The following CFAP61 variants were observed in gnomAD, a reference collection of about 807,000 sequenced individuals.
CFAP61 encodes cilia- and flagella-associated protein 61.
CFAP61 carries 107 observed loss-of-function variants against 135.6 expected under a neutral mutation model. The ratio of observed to expected loss-of-function variants is 0.79; its 90% CI spans 0.67 to 0.93. The LOEUF (loss-of-function observed/expected upper bound fraction) is 0.93, where lower values mean the gene tolerates loss of function less well. Among genes scored for constraint, CFAP61 ranks in the 40% least tolerant of loss-of-function variants. The pLI, the probability that CFAP61 is intolerant of heterozygous loss-of-function variation, is 0.00. For missense variants in CFAP61, 1,507 were observed against 1,556.2 expected (o/e 0.97, Z 0.53); for synonymous variants, 575 against 578.5 (o/e 0.99, Z 0.09).
intron 11 of CFAP61, among the ~76,000 whole-genome samples, chr20:20,165,796 A>G (rs1042035705): frequency 6.6e-6 from 1 of 152,028 alleles, no homozygotes; most frequent in African/African-American, 2.4e-5. Flanking sequence ...AACTTTTTTC[A>G]TCTCGAGTTT....
intron 15 of CFAP61, 77 bp downstream of exon 15, chr20:20,191,496 G>A: frequency 9.8e-7 from 1 of 1,016,838 alleles, no homozygotes; most frequent in Non-Finnish European, 1.5e-6. Flanking sequence ...GCCCCTTTTG[G>A]AGTTGTACTT....
intron 21 of CFAP61, among the ~76,000 whole-genome samples, chr20:20,275,313 T>C (rs911554910): frequency 6.6e-6 from 1 of 152,242 alleles, no homozygotes; most frequent in African/African-American, 2.4e-5. Flanking sequence ...TGACGTGGTT[T>C]GCTATGCAGC....
intron 7 of CFAP61, among the ~76,000 whole-genome samples, chr20:20,097,804 C>G (rs1284234634): frequency 6.6e-6 from 1 of 152,214 alleles, no homozygotes; most frequent in Non-Finnish European, 1.5e-5. Flanking sequence ...TTCCTTCCCT[C>G]ATATCTCCTC....
intron 6 of CFAP61, among the ~76,000 whole-genome samples, chr20:20,077,458 A>T (rs1452580877): frequency 3.3e-5 from 5 of 152,236 alleles, no homozygotes; most frequent in Non-Finnish European, 1.5e-5. Context: ...GCGACAGGTC[A>T]CAGAGATCCA....
chr20:20,280,560 A>G (rs546490753), intron 22 of CFAP61, among the ~76,000 whole-genome samples: 5 of 152,208 alleles, frequency 3.3e-5, no homozygotes, highest in Non-Finnish European at 7.3e-5. Flanking sequence ...TCATTTACTC[A>G]GCATGGTGAT....
chr20:20,161,281 C>T (rs1405395203), intron 10 of CFAP61, among the ~76,000 whole-genome samples: 1 of 152,156 alleles, frequency 6.6e-6, no homozygotes, highest in African/African-American at 2.4e-5. Context: ...GCCCCCACCA[C>T]TGCATCAAAC....
intron 25 of CFAP61, among the ~76,000 whole-genome samples, chr20:20,328,311 T>C (rs1289659130): frequency 6.6e-6 from 1 of 152,094 alleles, no homozygotes; most frequent in Admixed American, 6.6e-5. Flanking sequence ...AGGTGAGAGA[T>C]GGTACTTTGG....
At chr20:20,322,082 G>T (rs755199862) in intron 25 of CFAP61, among the ~76,000 whole-genome samples, 2 of 152,156 alleles carry the variant, frequency 1.3e-5, no homozygotes, top group African/African-American at 2.4e-5. Flanking sequence ...AAGTGTCCCA[G>T]CTGAGCCAAG....
intron 17 of CFAP61, among the ~76,000 whole-genome samples, chr20:20,203,356 G>C (rs919094735): frequency 6.6e-6 from 1 of 152,176 alleles, no homozygotes; most frequent in Non-Finnish European, 1.5e-5. Flanking sequence ...GAGCTTGAAT[G>C]AGCCATCTTG....
At chr20:20,063,057 GA>G (rs1294316125) in intron 2 of CFAP61, among the ~76,000 whole-genome samples, 2 of 152,056 alleles carry the variant, frequency 1.3e-5, no homozygotes, top group African/African-American at 4.8e-5. Context: ...ATCAACTTAA[GA>G]AATGATAGAA....
intron 20 of CFAP61, among the ~76,000 whole-genome samples, chr20:20,261,543 C>A (rs1315110588): frequency 6.6e-6 from 1 of 152,172 alleles, no homozygotes; most frequent in Non-Finnish European, 1.5e-5. Flanking sequence ...ATAACTGCCA[C>A]CTGGCAGCCA....
At chr20:20,190,601 C>T (rs1286719568) in intron 14 of CFAP61, among the ~76,000 whole-genome samples, 3 of 152,010 alleles carry the variant, frequency 2.0e-5, no homozygotes, top group African/African-American at 2.4e-5. Flanking sequence ...CACACACACC[C>T]CCACAATTGT....
At chr20:20,348,655 A>T (rs2058717148) in intron 26 of CFAP61, among the ~76,000 whole-genome samples, 1 of 143,962 alleles carries the variant, frequency 6.9e-6, no homozygotes, top group Admixed American at 7.4e-5. Flanking sequence ...GTGCCACTGC[A>T]CTACAGCCTG....
chr20:20,127,827 A>T (rs2050189700), intron 8 of CFAP61, among the ~76,000 whole-genome samples: 2 of 151,730 alleles, frequency 1.3e-5, no homozygotes, highest in South Asian at 4.2e-4. Flanking sequence ...ATGGCTAGGC[A>T]TGTCTGAGCT....
At chr20:20,147,745 G>T (rs1048671772) in intron 9 of CFAP61, among the ~76,000 whole-genome samples, 1 of 152,060 alleles carries the variant, frequency 6.6e-6, no homozygotes, top group Admixed American at 6.6e-5. Context: ...TTTTAGTTTA[G>T]TTAGGTCCAA....
intron 25 of CFAP61, among the ~76,000 whole-genome samples, chr20:20,305,210 C>T (rs2056399312): frequency 1.3e-5 from 2 of 152,162 alleles, no homozygotes; most frequent in African/African-American, 4.8e-5. Context: ...ATTTGAGCAG[C>T]CCTTTACAAG....
chr20:20,236,584 C>T (rs1401541092), intron 18 of CFAP61, among the ~76,000 whole-genome samples: 1 of 152,112 alleles, frequency 6.6e-6, no homozygotes, highest in East Asian at 1.9e-4. Flanking sequence ...TATTAACATG[C>T]TAAATTGGAC....
intron 13 of CFAP61, among the ~76,000 whole-genome samples, chr20:20,174,190 A>T (rs1418365437): frequency 6.6e-6 from 1 of 152,188 alleles, no homozygotes; most frequent in African/African-American, 2.4e-5. Context: ...TGTGTCTTTA[A>T]CAAGTCATGT....
At chr20:20,358,060 G>GGAGGTGGTCACACTGAGGA (rs2059323486) in intron 26 of CFAP61, among the ~76,000 whole-genome samples, 1 of 148,470 alleles carries the variant, frequency 6.7e-6, no homozygotes, top group African/African-American at 2.5e-5. Flanking sequence ...TAGTGTGAGG[G>GGAGGTGGTCACACTGAGGA]GAGGTGGTCA....
Sources: gnomAD v4.1 joint callset for allele counts (sites outside exome capture counted in the v4.1 genomes callset) on GRCh38, gnomAD v4.1.1 for gene constraint, MANE v1.5 for transcripts, NCBI Gene and HGNC (gene_info 2026-07-23, HGNC 2026-07-21) for gene names.